FH: variants seen among roughly 807,000 people sequenced by gnomAD.
FH encodes fumarate hydratase, also known as fumarate hydratase, mitochondrial.
In FH, 22 loss-of-function variants were observed where a neutral mutation model predicts 49.4. That is an observed-to-expected ratio of 0.45 (90% CI 0.32 to 0.64). The LOEUF is 0.64. Ranked by LOEUF, FH falls within the 30% of genes least tolerant of loss-of-function variation. The pLI is 0.05. For synonymous variants in FH, 208 were observed against 223.0 expected (o/e 0.93, Z 0.60); for missense variants, 526 against 641.5 (o/e 0.82, Z 1.95).
chr1:241,503,974 G>A, intron 7 of FH, 68 bp downstream of exon 7: 1 of 1,439,402 alleles, frequency 6.9e-7, no homozygotes, highest in East Asian at 2.4e-5. Flanking sequence ...GAGAGACATG[G>A]TCCATAGCTA....
At chr1:241,519,214 G>T (rs779786923) in intron 1 of FH, 3 of 231,240 alleles carry the variant, frequency 1.3e-5, no homozygotes, top group Non-Finnish European at 2.6e-5. Context: ...CTCCGCCCAC[G>T]CCGGCACTGT....
intron 2 of FH, among the ~76,000 whole-genome samples, chr1:241,515,005 C>T (rs1660180328): frequency 6.6e-6 from 1 of 152,104 alleles, no homozygotes; most frequent in Non-Finnish European, 1.5e-5. Context: ...AAGGGTCATT[C>T]ACAGCAGAAA....
chr1:241,503,312 T>C (rs888493791), intron 7 of FH, among the ~76,000 whole-genome samples: 1 of 152,224 alleles, frequency 6.6e-6, no homozygotes, highest in Admixed American at 6.5e-5. Context: ...TACAGATCCA[T>C]AATTTCCATA....
intron 7 of FH, 41 bp from the exon 8 acceptor site, chr1:241,502,611 A>G: frequency 6.2e-7 from 1 of 1,608,046 alleles, no homozygotes; most frequent in Middle Eastern, 1.7e-4. Flanking sequence ...GACTAAATTT[A>G]TGCAAATAAT....
chr1:241,513,910 T>C (rs951035669), intron 2 of FH, among the ~76,000 whole-genome samples, 197 bp from the exon 3 acceptor site: 1 of 152,202 alleles, frequency 6.6e-6, no homozygotes, highest in Non-Finnish European at 1.5e-5. Flanking sequence ...CATAGATCTA[T>C]TTGTTTAAGG....
chr1:241,514,507 T>C (rs1433983676), intron 2 of FH, among the ~76,000 whole-genome samples: 1 of 152,102 alleles, frequency 6.6e-6, no homozygotes, highest in Admixed American at 6.5e-5. Flanking sequence ...CTTGTCAAAA[T>C]TAATAATACA....
At position 241,519,664 on chromosome 1, in the gene FH, G is replaced by A. The variant is rs1573889953; in HGVS notation, c.59C>T (p.Ala20Val). Reference sequence around the variant, plus strand: ...CAAGCCGGGAGCCGAAGCTAAGGCTGCGGCTGGAGCCCGCACGAGGGGACG... The same window carrying A: ...CAAGCCGGGAGCCGAAGCTAAGGCTACGGCTGGAGCCCGCACGAGGGGACG... Reference protein sequence around the residue: ...RSRPLVRAPAAALASAPGLGG... With the variant: ...RSRPLVRAPAVALASAPGLGG... The change falls in exon 1 of 10, where the codon GCA (alanine) becomes GTA (valine). Residue 20 changes from alanine (A) to valine (V), a missense_variant. Around this residue, in one of 2 missense-constraint regions of FH, gnomAD observed 143 missense variants for 127.5 expected, o/e 1.12. Transcript: ENST00000366560. 1 of 1,547,914 alleles carries A rather than the reference G, an allele frequency of 6.5e-7. No homozygotes were observed. The highest frequency in any genetic ancestry group is 1.4e-5 in the African/African-American group (1 of 73,052).
rs139174536 is a variant in FH at position 241,503,195 on chromosome 1, C to T, written c.1109-625G>A. 4.5e-3 allele frequency among the ~76,000 whole-genome samples: 687 copies of T among 152,278 alleles called. 5 individuals are homozygous for T. The highest frequency in any genetic ancestry group is 0.016 in the African/African-American group (650 of 41,546). On this transcript the variant is annotated intron_variant, in intron 7 of 9. Coordinates refer to ENST00000366560, the MANE Select transcript of FH (RefSeq NM_000143.4). The stretch of plus-strand genomic sequence containing the variant: ...ATTATTGCCTTTATCTGTGACTCCC[C>T]CAGTTCTCTTTCTTTTGGCAATCAC...
chr1:241,503,664 T>C (rs1343307400), intron 7 of FH, among the ~76,000 whole-genome samples: 7 of 152,254 alleles, frequency 4.6e-5, no homozygotes, highest in African/African-American at 1.7e-4. Flanking sequence ...ATCTATCAAA[T>C]GACTTGCTGA....
At position 241,519,681 on chromosome 1, in the gene FH, G is replaced by T. The variant is rs1660322230; in HGVS notation, c.42C>A (p.Leu14=). Residue 14 remains leucine (L), a synonymous_variant, in exon 1 of 10, where the codon CTC becomes CTA. Coordinates refer to ENST00000366560, the MANE Select transcript of FH (RefSeq NM_000143.4). ...ALRLLARSRP[L]VRAPAAALAS... ...CTAAGGCTGCGGCTGGAGCCCGCAC[G>T]AGGGGACGCGAGCGCGCGAGGAGCC... The T allele has an allele frequency of 3.9e-6, 6 of 1,547,044 alleles. No homozygotes were observed. In the East Asian group the frequency reaches 9.8e-5, roughly 25 times the overall value.
chr1:241,500,141 G>A (rs941231276), intron 9 of FH, among the ~76,000 whole-genome samples: 14 of 151,988 alleles, frequency 9.2e-5, no homozygotes, highest in African/African-American at 3.1e-4. Flanking sequence ...CTTCCCCAAT[G>A]GTCTGCATAG....
chr1:241,498,876 C>T (rs1179964672), intron 9 of FH, among the ~76,000 whole-genome samples: 1 of 150,428 alleles, frequency 6.6e-6, no homozygotes, highest in Non-Finnish European at 1.5e-5. Flanking sequence ...TGTCAATATG[C>T]AATTATTAAT....
At chr1:241,511,473 T>C (rs1451926818) in intron 4 of FH, among the ~76,000 whole-genome samples, 1 of 152,024 alleles carries the variant, frequency 6.6e-6, no homozygotes, top group Non-Finnish European at 1.5e-5. Flanking sequence ...CAAGGGGACA[T>C]GTGACTAAAT....
intron 4 of FH, among the ~76,000 whole-genome samples, chr1:241,509,375 G>A (rs1660018237): frequency 6.6e-6 from 1 of 152,150 alleles, no homozygotes; most frequent in African/African-American, 2.4e-5. Context: ...AGCCCTCAAA[G>A]AGACTGTATA....
intron 7 of FH, among the ~76,000 whole-genome samples, chr1:241,503,249 T>C (rs115081857): frequency 2.5e-3 from 387 of 152,314 alleles, no homozygotes; most frequent in African/African-American, 9.1e-3. Flanking sequence ...TAAACCTTTA[T>C]GTCATTCTTC....
chr1:241,513,666 T>C lies in FH; in HGVS notation c.315A>G (p.Glu105=). Residue 105 remains glutamate (E), a synonymous_variant, in exon 3 of 10, where the codon GAA becomes GAG. Transcript: ENST00000366560. ...AFGILKRAAA[E]VNQDYGLDPK... ...GATCAAGACCATAATCCTGGTTTAC[T>C]TCAGCGGCCGCTCGCTTCAAGATGC... 6.2e-7 allele frequency: 1 copy of C among 1,614,142 alleles called. No homozygotes were observed. The highest frequency in any genetic ancestry group is 8.5e-7 in the Non-Finnish European group (1 of 1,179,994).
At position 241,503,965 on chromosome 1, in the gene FH, A is replaced by G; in HGVS notation, c.1108+77T>C. The G allele has an allele frequency of 1.4e-5, 19 of 1,406,462 alleles. No homozygotes were observed. The South Asian group carries it at 2.1e-4, about 15-fold the overall frequency. 87.1% of individuals were successfully genotyped at this position (1,406,462 alleles called of 1,614,324 possible). On this transcript the variant is annotated intron_variant, in intron 7 of 9. Coordinates refer to ENST00000366560, the MANE Select transcript of FH (RefSeq NM_000143.4). ...AGCTGCGGGATAACTTTAAACAAAG[A>G]GAGACATGGTCCATAGCTAAGAATG...
chr1:241,498,305 AAAC>A (rs1404138278), intron 9 of FH, among the ~76,000 whole-genome samples: 4 of 152,160 alleles, frequency 2.6e-5, no homozygotes, highest in African/African-American at 9.7e-5. Flanking sequence ...TATATTTTTC[AAAC>A]AACATGTTTA....
rs201083387 is a variant in FH at position 241,508,639 on chromosome 1, A to C, written c.702T>G (p.Thr234=). The C allele has an allele frequency of 2.2e-4, 353 of 1,613,928 alleles. 2 individuals are homozygous for C. The South Asian group carries it at 3.6e-3, about 16-fold the overall frequency. ...EFAQIIKIGR[T]HTQDAVPLTL... is the part of the protein sequence containing the mutation. ...TAAGTGGAACAGCATCCTGAGTATG[A>C]GTACGTCCAATCTTGATGATCTGTG... The change falls in exon 5 of 10, where the codon ACT becomes ACG. Residue 234 remains threonine, a synonymous_variant. Coordinates refer to ENST00000366560, the MANE Select transcript of FH (RefSeq NM_000143.4).
Sources: allele counts gnomAD v4.1 joint callset (sites outside exome capture counted in the v4.1 genomes callset), GRCh38; gene constraint gnomAD v4.1.1; regional missense constraint gnomAD v4.1.1; transcripts MANE v1.5; gene names NCBI Gene and HGNC (gene_info 2026-07-23, HGNC 2026-07-21).